CACNA2D3: variants seen among roughly 807,000 people sequenced by gnomAD.
The protein encoded by CACNA2D3 is calcium voltage-gated channel auxiliary subunit alpha2delta 3.
CACNA2D3 carries 60 observed loss-of-function variants against 160.6 expected under a neutral mutation model. That is an observed-to-expected ratio of 0.37 (90% CI 0.30 to 0.46). The LOEUF is 0.46. Among genes scored for constraint, CACNA2D3 ranks in the 20% least tolerant of loss-of-function variants. The probability of loss-of-function intolerance (pLI) is 1.00; values close to 1 mark genes in which losing one functional copy is unlikely to be tolerated. For synonymous variants in CACNA2D3, 558 were observed against 492.9 expected (o/e 1.13, Z -1.75); for missense variants, 1,205 against 1,365.0 (o/e 0.88, Z 1.85).
At chr3:54,785,678 A>C (rs1702627088) in intron 13 of CACNA2D3, among the ~76,000 whole-genome samples, 1 of 152,232 alleles carries the variant, frequency 6.6e-6, no homozygotes, top group Non-Finnish European at 1.5e-5. Context: ...GTCTTATTGT[A>C]CAGAAATGTC....
At chr3:54,481,751 A>C (rs1165526652) in intron 4 of CACNA2D3, among the ~76,000 whole-genome samples, 1 of 152,204 alleles carries the variant, frequency 6.6e-6, no homozygotes, top group African/African-American at 2.4e-5. Flanking sequence ...AATTTGAATT[A>C]ATGTGGAGCT....
intron 26 of CACNA2D3, among the ~76,000 whole-genome samples, chr3:54,898,778 A>T (rs955249684): frequency 6.6e-6 from 1 of 152,236 alleles, no homozygotes; most frequent in Non-Finnish European, 1.5e-5. Context: ...ATGTAATGGT[A>T]TAATGAAGTG....
intron 5 of CACNA2D3, among the ~76,000 whole-genome samples, chr3:54,520,492 A>C (rs969100867): frequency 2.6e-5 from 4 of 152,212 alleles, no homozygotes; most frequent in African/African-American, 9.6e-5. Context: ...TTAGCTGTAG[A>C]GAGACAACCT....
intron 27 of CACNA2D3, among the ~76,000 whole-genome samples, chr3:54,942,504 T>C (rs975307277): frequency 5.1e-4 from 77 of 152,336 alleles, no homozygotes; most frequent in African/African-American, 1.8e-3. Context: ...TCTTAATGCA[T>C]CTCTATTTCT....
chr3:54,344,604 A>G (rs555629265), intron 3 of CACNA2D3, among the ~76,000 whole-genome samples: 1 of 152,304 alleles, frequency 6.6e-6, no homozygotes, highest in South Asian at 2.1e-4. Context: ...ACCTGGCTTG[A>G]GTTCCAGCTT....
At chr3:54,389,311 A>G (rs1456267564) in intron 4 of CACNA2D3, among the ~76,000 whole-genome samples, 1 of 151,444 alleles carries the variant, frequency 6.6e-6, no homozygotes, top group African/African-American at 2.4e-5. Context: ...AAAAAAAAAG[A>G]CAAATGAGGG....
At chr3:54,258,343 G>A (rs1033230477) in intron 2 of CACNA2D3, among the ~76,000 whole-genome samples, 1 of 152,164 alleles carries the variant, frequency 6.6e-6, no homozygotes, top group Non-Finnish European at 1.5e-5. Context: ...GGTCCTGGGG[G>A]TGACCCAAGT....
intron 16 of CACNA2D3, among the ~76,000 whole-genome samples, chr3:54,844,498 AATCT>A (rs1698890741): frequency 6.6e-6 from 1 of 152,078 alleles, no homozygotes; most frequent in Non-Finnish European, 1.5e-5. Context: ...AGCTGTGTAG[AATCT>A]GCACTAAATG....
chr3:54,441,159 G>A (rs1448554976), intron 4 of CACNA2D3, among the ~76,000 whole-genome samples: 2 of 151,966 alleles, frequency 1.3e-5, no homozygotes, highest in Non-Finnish European at 1.5e-5. Context: ...TTGTTTCCTG[G>A]CTCTTTAATG....
chr3:54,196,510 T>C (rs2107344024), intron 2 of CACNA2D3, among the ~76,000 whole-genome samples: 1 of 152,330 alleles, frequency 6.6e-6, no homozygotes, highest in South Asian at 2.1e-4. Context: ...GCCCTCCCAG[T>C]TCTCTTTGAG....
At chr3:54,965,393 C>A (rs114390688) in intron 27 of CACNA2D3, among the ~76,000 whole-genome samples, 2 of 152,268 alleles carry the variant, frequency 1.3e-5, no homozygotes, top group Non-Finnish European at 2.9e-5. Context: ...TTACTGTTTC[C>A]TCCATTTGGA....
intron 2 of CACNA2D3, among the ~76,000 whole-genome samples, chr3:54,285,200 C>T (rs1308902609): frequency 1.2e-4 from 18 of 152,178 alleles, no homozygotes; most frequent in Non-Finnish European, 2.2e-4. Context: ...GGGTGACAGA[C>T]GGCACCTGGA....
At chr3:54,700,118 T>C (rs1700740980) in intron 11 of CACNA2D3, among the ~76,000 whole-genome samples, 1 of 152,186 alleles carries the variant, frequency 6.6e-6, no homozygotes. Flanking sequence ...AGCTAACAGA[T>C]TGACCTAGCT....
At chr3:54,500,786 A>G (rs1030085676) in intron 4 of CACNA2D3, among the ~76,000 whole-genome samples, 5 of 152,196 alleles carry the variant, frequency 3.3e-5, no homozygotes, top group African/African-American at 1.2e-4. Context: ...AGTCCACTTC[A>G]AATAACCTTA....
intron 5 of CACNA2D3, among the ~76,000 whole-genome samples, chr3:54,529,400 T>C (rs1219945491): frequency 6.6e-6 from 1 of 152,186 alleles, no homozygotes; most frequent in African/African-American, 2.4e-5. Context: ...GTCTCTGAGC[T>C]ATGGGGGCCA....
chr3:54,468,378 G>A (rs1001449396), intron 4 of CACNA2D3, among the ~76,000 whole-genome samples: 9 of 152,200 alleles, frequency 5.9e-5, no homozygotes, highest in African/African-American at 1.4e-4. Context: ...GGACTGTGCC[G>A]TGAGGAATGG....
At position 54,175,446 on chromosome 3, in the gene CACNA2D3, C is replaced by G. The variant is rs181239921; in HGVS notation, c.204+51852C>G. 4.0e-5 allele frequency among the ~76,000 whole-genome samples: 6 copies of G among 151,638 alleles called. No homozygotes were observed. In the East Asian group the frequency reaches 1.2e-3, roughly 30 times the overall value. Reference sequence around the variant, plus strand: ...CCTGGCTAGCATGGTGAAACCCCGTCTCTACTAAAAAAAAAAATTAGCTGG... The same window carrying G: ...CCTGGCTAGCATGGTGAAACCCCGTGTCTACTAAAAAAAAAAATTAGCTGG... On this transcript the variant is annotated intron_variant, in intron 2 of 37. Coordinates refer to ENST00000474759, the MANE Select transcript of CACNA2D3 (RefSeq NM_018398.3).
intron 13 of CACNA2D3, among the ~76,000 whole-genome samples, chr3:54,808,383 C>T (rs894111483): frequency 6.6e-5 from 10 of 152,202 alleles, no homozygotes; most frequent in African/African-American, 1.9e-4. Context: ...GTTGACTTCA[C>T]TCTTAGGCCT....
intron 4 of CACNA2D3, among the ~76,000 whole-genome samples, chr3:54,467,855 G>A (rs1486829483): frequency 6.6e-6 from 1 of 152,154 alleles, no homozygotes; most frequent in East Asian, 1.9e-4. Flanking sequence ...ATATTTCAAA[G>A]TAGCTGGAAG....
Sources: allele counts gnomAD v4.1 joint callset (sites outside exome capture counted in the v4.1 genomes callset), GRCh38; gene constraint gnomAD v4.1.1; transcripts MANE v1.5; gene names NCBI Gene and HGNC (gene_info 2026-07-23, HGNC 2026-07-21).